The following RAET1E variants were observed in gnomAD, a reference collection of about 807,000 sequenced individuals.
RAET1E encodes the protein NKG2D ligand 4.
In RAET1E, 27 loss-of-function variants were observed where a neutral mutation model predicts 21.1. That is an observed-to-expected ratio of 1.28 (90% confidence interval 0.94 to 1.76). RAET1E has a LOEUF of 1.76. Among genes scored for constraint, RAET1E ranks in the 40% most tolerant of loss-of-function variants. The pLI is 0.00. For synonymous variants in RAET1E, 113 were observed against 115.0 expected (o/e 0.98, Z 0.11); for missense variants, 310 against 311.3 (o/e 1.00, Z 0.03).
At position 149,888,580 on chromosome 6, in the gene RAET1E, AC is replaced by A; in HGVS notation, c.709del (p.Val237PhefsTer2). 1 of 1,613,798 alleles carries A rather than the reference AC, an allele frequency of 6.2e-7. No homozygotes were observed. Among genetic ancestry groups the A allele is most frequent in the Non-Finnish European group, 8.5e-7 (1 of 1,179,972 alleles). Reference sequence around the variant, plus strand: ...ACAGATGAGAACAATTCCCATTAAAACTAACAGGATGAATGCCCCCAGGATG... The same window carrying A: ...ACAGATGAGAACAATTCCCATTAAAATAACAGGATGAATGCCCCCAGGATG... ...WIILGAFILL[V>X]LMGIVLICVW... is the part of the protein sequence containing the mutation. On this transcript the variant is annotated frameshift_variant, in exon 6 of 6. Coordinates refer to ENST00000357183, the MANE Select transcript of RAET1E (RefSeq NM_001394057.1). LOFTEE classifies it low-confidence loss of function (END_TRUNC).
In RAET1E at chr6:149,884,447, G is replaced by A; in HGVS notation, c.*4051C>T. 4 of 1,531,138 alleles carry A rather than the reference G, an allele frequency of 2.6e-6. No homozygotes were observed. Among genetic ancestry groups the A allele is most frequent in the Non-Finnish European group, 3.5e-6 (4 of 1,142,528 alleles). 94.8% of individuals were successfully genotyped at this position (1,531,138 alleles called of 1,614,324 possible). A position where few individuals can be genotyped will look rare whatever the true frequency, so the allele number is the denominator to read the frequency against. On this transcript the variant is annotated 3_prime_UTR_variant, in exon 6 of 6. Transcript: ENST00000357183. ...GGGAGCCAAGGCTGTCAGCGATCGA[G>A]GACCACAGGTGAACAACTCTGCGCC...
rs766863890 is a variant in RAET1E, at chr6:149,887,210, C to T, written c.*1288G>A. Among the ~76,000 whole-genome samples, 5 of 152,184 alleles carry T rather than the reference C, an allele frequency of 3.3e-5. No individual in the cohort carries two copies. The highest frequency in any genetic ancestry group is 7.3e-5 in the Non-Finnish European group (5 of 68,050). ...TTAAATCCCTACTGTTCAGACCCAG[C>T]TTCTAAAACTGTTCTTTTGCCTCCC... On this transcript the variant is annotated 3_prime_UTR_variant, in exon 6 of 6. Transcript: ENST00000357183.
At chr6:149,897,036 G>T (rs535311127) in intron 1 of RAET1E, among the ~76,000 whole-genome samples, 1 of 152,300 alleles carries the variant, frequency 6.6e-6, no homozygotes, top group African/African-American at 2.4e-5. Context: ...GTAGATTTTT[G>T]TTTGTTTTGT....
rs138042224 is a variant in RAET1E at position 149,890,012 on chromosome 6, A to T, written c.219T>A (p.Pro73=). The T allele has an allele frequency of 1.9e-6, 3 of 1,614,148 alleles. No homozygotes were observed. The highest frequency in any genetic ancestry group is 2.5e-6 in the Non-Finnish European group (3 of 1,180,028). The change falls in exon 4 of 6, where the codon CCT becomes CCA. Residue 73 remains proline (P), a synonymous_variant. Coordinates refer to ENST00000357183, the MANE Select transcript of RAET1E (RefSeq NM_001394057.1). ...QYNSDNNMVK[P]LGLLGKKVYA... ...ATACCTTCTTCCCCAGGAGGCCCAG[A>T]GGTTTGACCATGTTGTTGTCACTGT...
At position 149,884,384 on chromosome 6, in the gene RAET1E, G is replaced by A; in HGVS notation, c.*4114C>T. ...AGAGGCGCGATCTCCGCTCATTGCA[G>A]GCTCCGCCTCCACTTGACTCAGGGA... On this transcript the variant is annotated 3_prime_UTR_variant, in exon 6 of 6. Transcript: ENST00000357183. The A allele has an allele frequency of 9.3e-7, 1 of 1,076,806 alleles. No individual in the cohort carries two copies. The highest frequency in any genetic ancestry group is 1.4e-6 in the Non-Finnish European group (1 of 730,608). The allele number at this position is 1,076,806 out of a possible 1,614,324, so 66.7% of individuals were successfully genotyped here.
rs967282461 is a variant in RAET1E, at chr6:149,883,387, T to G, written c.*5111A>C. 4 of 151,880 alleles carry G rather than the reference T, an allele frequency of 2.6e-5. No individual in the cohort carries two copies. Among genetic ancestry groups the G allele is most frequent in the African/African-American group, 9.7e-5 (4 of 41,320 alleles). The allele number at this position is 151,880 out of a possible 1,614,324, so 9.4% of individuals were successfully genotyped here. ...TTTTTTTTTTTTTTGCATTCAGTGT[T>G]AAAGTGTTTATCAGAAAGAACTACT... On this transcript the variant is annotated 3_prime_UTR_variant, in exon 6 of 6. Transcript: ENST00000357183.
intron 2 of RAET1E, 117 bp from the exon 3 acceptor site, chr6:149,891,151 A>G (rs934085464): frequency 2.6e-6 from 1 of 385,984 alleles, no homozygotes; most frequent in African/African-American, 2.1e-5. Context: ...AACTTTGAAT[A>G]AACTCTCTCT....
rs1035705128 is a variant in RAET1E, at chr6:149,885,334, C to T, written c.*3164G>A. On this transcript the variant is annotated 3_prime_UTR_variant, in exon 6 of 6. Coordinates refer to ENST00000357183, the MANE Select transcript of RAET1E (RefSeq NM_001394057.1). ...TGCAAAGCAGAGACAGTCCCCGAGA[C>T]TCATTCAGCCTTTGCCTTTCTCCTG... is the stretch of plus-strand genomic sequence containing the variant. 2.6e-5 allele frequency among the ~76,000 whole-genome samples: 4 copies of T among 152,232 alleles called. No homozygotes were observed. Among genetic ancestry groups the T allele is most frequent in the Admixed American group, 2.6e-4 (4 of 15,286 alleles).
rs1777560340 is a variant in RAET1E, at chr6:149,885,290, G to C, written c.*3208C>G. ...GATGCATTAATTTGGAAAGGTCCCT[G>C]TTCACCTCAGGGCCCACTTGCAAAG... On this transcript the variant is annotated 3_prime_UTR_variant, in exon 6 of 6. Coordinates refer to ENST00000357183, the MANE Select transcript of RAET1E (RefSeq NM_001394057.1). Among the ~76,000 whole-genome samples, 1 of 152,086 alleles carries C rather than the reference G, an allele frequency of 6.6e-6. No homozygotes were observed. Among genetic ancestry groups the C allele is most frequent in the South Asian group, 2.1e-4 (1 of 4,822 alleles).
At chr6:149,889,711 G>C in intron 4 of RAET1E, 88 bp from the exon 5 acceptor site, 1 of 1,530,648 alleles carries the variant, frequency 6.5e-7, no homozygotes, top group Non-Finnish European at 8.9e-7. Flanking sequence ...GCACATTTAG[G>C]GGTCTGTATT....
intron 2 of RAET1E, 80 bp from the exon 3 acceptor site, chr6:149,891,114 TAAAAG>T (rs1198008556): frequency 2.1e-6 from 1 of 471,146 alleles, no homozygotes; most frequent in Non-Finnish European, 3.8e-6. Flanking sequence ...TATTGAAAAA[TAAAAG>T]AAGACATTTA....
At position 149,888,365 on chromosome 6, in the gene RAET1E, T is replaced by G; in HGVS notation, c.*133A>C. 9.1e-7 allele frequency: 1 copy of G among 1,093,428 alleles called. No individual in the cohort carries two copies. 67.7% of individuals were successfully genotyped at this position (1,093,428 alleles called of 1,614,324 possible). A position where few individuals can be genotyped will look rare whatever the true frequency, so the allele number is the denominator to read the frequency against. On this transcript the variant is annotated 3_prime_UTR_variant, in exon 6 of 6. Coordinates refer to ENST00000357183, the MANE Select transcript of RAET1E (RefSeq NM_001394057.1). ...CTTCATCCCTCCTCTCACTGCACAT[T>G]GTGCTGCCAGCCCTGCTGTGTAGTG... is the stretch of plus-strand genomic sequence containing the variant.
chr6:149,884,301 G>GA lies in RAET1E; in HGVS notation c.*4196dup, dbSNP rs907348308. 9.2e-3 allele frequency: 4,973 copies of GA among 541,822 alleles called. 15 individuals are homozygous for GA. Among genetic ancestry groups the GA allele is most frequent in the African/African-American group, 0.028 (1,485 of 52,362 alleles). 33.6% of individuals were successfully genotyped at this position (541,822 alleles called of 1,614,324 possible). On this transcript the variant is annotated 3_prime_UTR_variant, in exon 6 of 6. Transcript: ENST00000357183. ...CCCTATCTTTTAAAAAATATGTACTGAAAAAAAATTTTTTTTTTTTGAGAC... is the reference window on the plus strand; with the variant it reads ...CCCTATCTTTTAAAAAATATGTACTGAAAAAAAAATTTTTTTTTTTTGAGAC...
At chr6:149,891,319 A>C (rs961289058) in intron 2 of RAET1E, among the ~76,000 whole-genome samples, 6 of 151,048 alleles carry the variant, frequency 4.0e-5, no homozygotes, top group African/African-American at 1.2e-4. Flanking sequence ...CCCCCTGCCC[A>C]TTCCTGTATT....
At chr6:149,897,651 C>A (rs983097446) in intron 1 of RAET1E, among the ~76,000 whole-genome samples, 1 of 151,966 alleles carries the variant, frequency 6.6e-6, no homozygotes, top group Non-Finnish European at 1.5e-5. Context: ...TTGGCATAAG[C>A]GGAAGGGAGG....
rs1777620066 is a variant in RAET1E at position 149,886,587 on chromosome 6, G to A, written c.*1911C>T. ...TTTTTGTATTTTTAGTAGAGACAGG[G>A]TTTCGCCATGTTGGCCAGGCTGGTC... On this transcript the variant is annotated 3_prime_UTR_variant, in exon 6 of 6. Transcript: ENST00000357183. Among the ~76,000 whole-genome samples, 1 of 152,168 alleles carries A rather than the reference G, an allele frequency of 6.6e-6. No individual in the cohort carries two copies. The highest frequency in any genetic ancestry group is 6.5e-5 in the Admixed American group (1 of 15,282).
In RAET1E at chr6:149,889,431, T is replaced by C; in HGVS notation, c.539A>G (p.Tyr180Cys). 6.2e-6 allele frequency: 10 copies of C among 1,614,214 alleles called. No individual in the cohort carries two copies. Among genetic ancestry groups the C allele is most frequent in the Non-Finnish European group, 8.5e-6 (10 of 1,180,028 alleles). The part of the protein sequence containing the change: ...TWKKDRGLEK[Y>C]FRKLSKGDCD... ...GTCTCCCTTTGAGAGCTTCCTGAAA[T>C]ACTTTTCCAGCCCTCTGTCTTTCTT... The change falls in exon 5 of 6, where the codon TAT becomes TGT. Residue 180 changes from tyrosine (Y) to cysteine (C), a missense_variant. Physicochemically the swap from Tyr to Cys is radical, Grantham distance 194 (BLOSUM62 -2). Transcript: ENST00000357183.
rs1364906615 is a variant in RAET1E, at chr6:149,890,825, A to G, written c.77T>C (p.Ile26Thr). The change falls in exon 3 of 6, where the codon ATC (isoleucine) becomes ACC (threonine). Residue 26 changes from isoleucine (I) to threonine (T), a missense_variant. By Grantham distance (89) the Ile-to-Thr change is moderately conservative (BLOSUM62 -1). Transcript: ENST00000357183. ...GTGCTCAGGACACTCACCAACCATG[A>G]TCTCCAAGGCTATTAGTAGCAACAG... ...FLLLLLIALEIMVGGHSLCFN... is the reference protein window; with the variant it reads ...FLLLLLIALETMVGGHSLCFN... 11 of 1,611,930 alleles carry G rather than the reference A, an allele frequency of 6.8e-6. No individual in the cohort carries two copies. Among genetic ancestry groups the G allele is most frequent in the Non-Finnish European group, 9.3e-6 (11 of 1,178,168 alleles).
intron 2 of RAET1E, among the ~76,000 whole-genome samples, chr6:149,892,158 C>T (rs1388883453): frequency 1.3e-5 from 2 of 152,186 alleles, no homozygotes; most frequent in Non-Finnish European, 2.9e-5. Flanking sequence ...AATAGTGCCA[C>T]AATAAACATA....
Sources: gnomAD v4.1 joint callset for allele counts (sites outside exome capture counted in the v4.1 genomes callset) on GRCh38, gnomAD v4.1.1 for gene constraint, MANE v1.5 for transcripts, NCBI Gene and HGNC (gene_info 2026-07-23, HGNC 2026-07-21) for gene names.